WWOX: variants seen among roughly 807,000 people sequenced by gnomAD.
WWOX encodes WW domain-containing oxidoreductase.
WWOX carries 69 observed loss-of-function variants against 46.2 expected under a neutral mutation model. The ratio of observed to expected loss-of-function variants is 1.49; its 90% CI spans 1.23 to 1.82. The LOEUF (loss-of-function observed/expected upper bound fraction) is 1.82, where lower values mean the gene tolerates loss of function less well. WWOX is among the 40% of genes most tolerant of loss of function. The probability of loss-of-function intolerance (pLI) is 0.00; values close to 1 mark genes in which losing one functional copy is unlikely to be tolerated. For missense variants in WWOX, 919 were observed against 542.6 expected (o/e 1.69, Z -6.89); for synonymous variants, 359 against 202.6 (o/e 1.77, Z -6.56).
chr16:78,364,917 G>C (rs913912184), intron 5 of WWOX, among the ~76,000 whole-genome samples: 1 of 152,060 alleles, frequency 6.6e-6, no homozygotes, highest in Non-Finnish European at 1.5e-5. Context: ...TAGGTACCTG[G>C]AATTTCATTC....
intron 8 of WWOX, among the ~76,000 whole-genome samples, chr16:78,641,395 G>A (rs1369935319): frequency 6.6e-6 from 1 of 152,122 alleles, no homozygotes; most frequent in South Asian, 2.1e-4. Context: ...TAGTGTCAGG[G>A]TTATCAATAT....
intron 8 of WWOX, among the ~76,000 whole-genome samples, chr16:78,713,637 G>T (rs1316309375): frequency 6.6e-6 from 1 of 152,172 alleles, no homozygotes; most frequent in Admixed American, 6.5e-5. Context: ...ATGGAGGAAA[G>T]ACCACAGTGG....
chr16:78,806,541 G>A (rs1033394200), intron 8 of WWOX, among the ~76,000 whole-genome samples: 1 of 152,076 alleles, frequency 6.6e-6, no homozygotes, highest in African/African-American at 2.4e-5. Flanking sequence ...GCTGACTGGT[G>A]GGTGGGACCC....
chr16:78,957,321 C>G (rs1006657187), intron 8 of WWOX, among the ~76,000 whole-genome samples: 2 of 152,190 alleles, frequency 1.3e-5, no homozygotes, highest in African/African-American at 2.4e-5. Context: ...TCTAATGATG[C>G]TGTTTTGAGA....
At chr16:78,696,858 C>G (rs1019863519) in intron 8 of WWOX, among the ~76,000 whole-genome samples, 4 of 152,112 alleles carry the variant, frequency 2.6e-5, no homozygotes, top group African/African-American at 4.8e-5. Context: ...TTGTATCATT[C>G]TTATGCCTTT....
At chr16:78,761,122 A>T (rs759873667) in intron 8 of WWOX, among the ~76,000 whole-genome samples, 4 of 152,178 alleles carry the variant, frequency 2.6e-5, no homozygotes, top group Non-Finnish European at 5.9e-5. Flanking sequence ...GCCAAACCAT[A>T]TTACAGGCTA....
At chr16:79,202,945 C>A (rs914208985) in intron 8 of WWOX, 2 of 152,116 alleles carry the variant, frequency 1.3e-5, no homozygotes, top group African/African-American at 4.8e-5. Flanking sequence ...AAAAGACATA[C>A]CTTTGTAACT....
chr16:78,153,286 G>C (rs1472134527), intron 4 of WWOX, among the ~76,000 whole-genome samples: 1 of 152,170 alleles, frequency 6.6e-6, no homozygotes, highest in Non-Finnish European at 1.5e-5. Flanking sequence ...GCCTGTGGGG[G>C]AGTTGGATTT....
chr16:78,105,406 C>G (rs961815401), intron 1 of WWOX, among the ~76,000 whole-genome samples: 2 of 151,228 alleles, frequency 1.3e-5, no homozygotes, highest in African/African-American at 4.9e-5. Flanking sequence ...TTGCAGTGAG[C>G]TGAGATTGCA....
intron 8 of WWOX, among the ~76,000 whole-genome samples, chr16:79,102,446 C>G (rs1016131108): frequency 6.6e-6 from 1 of 152,058 alleles, no homozygotes; most frequent in Non-Finnish European, 1.5e-5. Flanking sequence ...CTGCTAGGAG[C>G]CATTGGAGAT....
Position 78,101,346 on chromosome 16 carries a change from C to CTTTT in WWOX, c.107+1475_107+1478dup, listed in dbSNP as rs71137871. ...ACAGGCGTGAGCTACCGCTCCCGGC[C>CTTTT]TTTTTTTTTTTTTTTTTAAAGACAG... On this transcript the variant is annotated intron_variant, in intron 1 of 8. Transcript: ENST00000566780. 6.0e-3 allele frequency among the ~76,000 whole-genome samples: 398 copies of CTTTT among 66,846 alleles called. 26 individuals are homozygous for CTTTT. The highest frequency in any genetic ancestry group is 0.013 in the African/African-American group (287 of 22,064). 43.9% of individuals were successfully genotyped at this position (66,846 alleles called of 152,430 possible). A position where few individuals can be genotyped will look rare whatever the true frequency, so the allele number is the denominator to read the frequency against.
chr16:78,120,399 T>A (rs1334799206), intron 4 of WWOX, among the ~76,000 whole-genome samples: 1 of 151,896 alleles, frequency 6.6e-6, no homozygotes, highest in African/African-American at 2.4e-5. Flanking sequence ...TGAAACCCCG[T>A]CTCTACTAAA....
intron 8 of WWOX, among the ~76,000 whole-genome samples, chr16:78,538,849 T>C (rs1235924185): frequency 6.6e-6 from 1 of 152,248 alleles, no homozygotes; most frequent in East Asian, 1.9e-4. Flanking sequence ...TGTTTATTTC[T>C]GTTCATTTGG....
At chr16:78,446,872 G>C (rs2083572406) in intron 8 of WWOX, among the ~76,000 whole-genome samples, 2 of 151,928 alleles carry the variant, frequency 1.3e-5, no homozygotes, top group African/African-American at 4.8e-5. Context: ...TGTTCACCAG[G>C]CTGGACATGA....
intron 8 of WWOX, among the ~76,000 whole-genome samples, chr16:78,583,974 A>G (rs550073709): frequency 3.9e-5 from 6 of 152,346 alleles, no homozygotes; most frequent in African/African-American, 1.4e-4. Context: ...AAACACTTCA[A>G]GAAGGAAAAT....
At chr16:78,602,822 C>G (rs577711329) in intron 8 of WWOX, among the ~76,000 whole-genome samples, 1 of 152,182 alleles carries the variant, frequency 6.6e-6, no homozygotes, top group Non-Finnish European at 1.5e-5. Flanking sequence ...CTATCATTCT[C>G]TCCATTTTAC....
intron 8 of WWOX, among the ~76,000 whole-genome samples, chr16:78,988,236 C>T (rs767605681): frequency 5.3e-5 from 8 of 151,344 alleles, no homozygotes; most frequent in Admixed American, 2.0e-4. Flanking sequence ...CTCAGCTCCT[C>T]GGGAGGCTGA....
intron 8 of WWOX, among the ~76,000 whole-genome samples, chr16:78,721,867 C>T (rs145567893): frequency 0.019 from 2,861 of 152,314 alleles, 22 homozygotes; most frequent in Middle Eastern, 0.041. Context: ...AGAGCAAACG[C>T]ACACGTGCGT....
At chr16:78,928,437 C>G (rs985869090) in intron 8 of WWOX, among the ~76,000 whole-genome samples, 1 of 151,444 alleles carries the variant, frequency 6.6e-6, no homozygotes, top group African/African-American at 2.4e-5. Context: ...CTCCTGACCT[C>G]GTGATCTGCC....
Sources: allele counts gnomAD v4.1 joint callset (sites outside exome capture counted in the v4.1 genomes callset), GRCh38; gene constraint gnomAD v4.1.1; transcripts MANE v1.5; gene names NCBI Gene and HGNC (gene_info 2026-07-23, HGNC 2026-07-21).